The following ATM variants were observed in gnomAD, a reference collection of about 807,000 sequenced individuals.
ATM encodes ATM serine/threonine kinase, also known as serine-protein kinase ATM.
ATM carries 308 observed loss-of-function variants against 387.0 expected under a neutral mutation model. The ratio of observed to expected loss-of-function variants is 0.80; its 90% CI spans 0.73 to 0.87. The LOEUF is 0.87. Ranked by LOEUF, ATM falls within the 40% of genes least tolerant of loss-of-function variation. The pLI, the probability that ATM is intolerant of heterozygous loss-of-function variation, is 0.00. For missense variants in ATM, 3,312 were observed against 3,560.9 expected (o/e 0.93, Z 1.78); for synonymous variants, 1,156 against 1,187.3 (o/e 0.97, Z 0.54).
chr11:108,366,793 A>C lies in ATM; in HGVS notation c.*1285A>C. The C allele has an allele frequency of 8.7e-6, 2 of 230,378 alleles. No individual in the cohort carries two copies. The highest frequency in any genetic ancestry group is 1.2e-4 in the East Asian group (2 of 16,176). The allele number at this position is 230,378 out of a possible 1,614,324, so 14.3% of individuals were successfully genotyped here. A position where few individuals can be genotyped will look rare whatever the true frequency, so the allele number is the denominator to read the frequency against. ...TGATGCCTTTTTCACTGAGAGTATA[A>C]GCTTCCATGTGTCCCACCTTTATGG... On this transcript the variant is annotated 3_prime_UTR_variant, in exon 63 of 63. Coordinates refer to ENST00000675843, the MANE Select transcript of ATM (RefSeq NM_000051.4).
At chr11:108,336,631 T>C (rs866894648) in intron 56 of ATM, among the ~76,000 whole-genome samples, 3 of 152,234 alleles carry the variant, frequency 2.0e-5, no homozygotes, top group African/African-American at 7.2e-5. Flanking sequence ...GTGAATAACC[T>C]TGAACATACA....
chr11:108,344,194 G>A (rs1212254227), intron 57 of ATM, among the ~76,000 whole-genome samples: 2 of 152,246 alleles, frequency 1.3e-5, no homozygotes, highest in East Asian at 3.9e-4. Context: ...TCTGTACAGG[G>A]CACACAGGGT....
intron 4 of ATM, chr11:108,231,008 C>G (rs1175369653): frequency 6.6e-6 from 1 of 152,106 alleles, no homozygotes; most frequent in Non-Finnish European, 1.5e-5. Flanking sequence ...GGCCAGGACT[C>G]AATCTTTTAG....
chr11:108,284,054 T>G (rs373028945), intron 25 of ATM, among the ~76,000 whole-genome samples, 173 bp from the exon 26 acceptor site: 1 of 152,202 alleles, frequency 6.6e-6, no homozygotes, highest in Non-Finnish European at 1.5e-5. Flanking sequence ...TTAATGTGAC[T>G]ATTTAGAATT....
intron 16 of ATM, among the ~76,000 whole-genome samples, chr11:108,266,476 G>T (rs1470549071): frequency 7.8e-6 from 1 of 128,190 alleles, no homozygotes. Context: ...CACACTCTGT[G>T]GACTGTTGTG....
intron 59 of ATM, among the ~76,000 whole-genome samples, chr11:108,352,475 G>A (rs1425914432): frequency 6.6e-6 from 1 of 152,138 alleles, no homozygotes; most frequent in Non-Finnish European, 1.5e-5. Flanking sequence ...CTGAGCAACA[G>A]AGGAAGAAAA....
At chr11:108,318,674 G>C (rs903636669) in intron 43 of ATM, among the ~76,000 whole-genome samples, 2 of 152,062 alleles carry the variant, frequency 1.3e-5, no homozygotes, top group Non-Finnish European at 2.9e-5. Flanking sequence ...GGGCGACAGA[G>C]TGAGACTCTG....
intron 25 of ATM, among the ~76,000 whole-genome samples, 187 bp from the exon 26 acceptor site, chr11:108,284,040 T>G (rs978496051): frequency 6.6e-6 from 1 of 152,172 alleles, no homozygotes; most frequent in African/African-American, 2.4e-5. Flanking sequence ...GCTTTCTAAT[T>G]TTTTTAATGT....
chr11:108,347,053 T>C (rs1275209647), intron 58 of ATM, among the ~76,000 whole-genome samples: 1 of 152,182 alleles, frequency 6.6e-6, no homozygotes, highest in African/African-American at 2.4e-5. Flanking sequence ...AGAGAAAATT[T>C]TTTTAGCAAA....
chr11:108,292,128 G>A (rs1339334842), intron 29 of ATM, among the ~76,000 whole-genome samples: 2 of 152,166 alleles, frequency 1.3e-5, no homozygotes, highest in African/African-American at 2.4e-5. Context: ...CTTGGTTCCA[G>A]ACAGGTTAGA....
At chr11:108,317,613 TTTTATATATATATATATATATA>T in intron 43 of ATM, 92 bp downstream of exon 43, 1 of 270,314 alleles carries the variant, frequency 3.7e-6, no homozygotes, top group Non-Finnish European at 6.4e-6. Flanking sequence ...ACAGGAGTTG[TTTTATATATATATATATATATA>T]TATATATATA....
intron 5 of ATM, among the ~76,000 whole-genome samples, chr11:108,239,194 T>C (rs944439492): frequency 3.3e-5 from 5 of 152,318 alleles, no homozygotes; most frequent in Middle Eastern, 3.4e-3. Flanking sequence ...GAGAGCTAAC[T>C]TGCTGTCTTT....
chr11:108,364,266 TTA>T (rs1382314597), intron 61 of ATM, among the ~76,000 whole-genome samples: 4 of 152,198 alleles, frequency 2.6e-5, no homozygotes, highest in Non-Finnish European at 4.4e-5. Flanking sequence ...GAATCATTCT[TTA>T]TATTGTCTCC....
intron 26 of ATM, chr11:108,287,372 G>A (rs1472639073): frequency 8.6e-6 from 3 of 349,994 alleles, no homozygotes; most frequent in Non-Finnish European, 1.5e-5. Context: ...GGATTAAGGG[G>A]GCCTTGTTTG....
chr11:108,317,250 A>G, intron 42 of ATM, 123 bp from the exon 43 acceptor site: 2 of 1,043,146 alleles, frequency 1.9e-6, no homozygotes, highest in Non-Finnish European at 2.8e-6. Context: ...ATATTTTGGG[A>G]TTTTAAATGA....
intron 53 of ATM, among the ~76,000 whole-genome samples, chr11:108,333,334 G>C (rs925596836): frequency 6.6e-6 from 1 of 152,042 alleles, no homozygotes; most frequent in Admixed American, 6.6e-5. Context: ...TATTATTCTT[G>C]CTGTGTCAGT....
In ATM at chr11:108,241,738, C is replaced by CTTTTTTTTTTTTTTTTTTTTT. The variant is rs1235260816; in HGVS notation, c.497-2212_497-2211insTTTTTTTTTTTTTTTTTTTTT. Among the ~76,000 whole-genome samples, 6 of 82,084 alleles carry CTTTTTTTTTTTTTTTTTTTTT rather than the reference C, an allele frequency of 7.3e-5. 1 individual carries two copies. Among genetic ancestry groups the CTTTTTTTTTTTTTTTTTTTTT allele is most frequent in the South Asian group, 1.1e-3 (2 of 1,770 alleles). 53.9% of individuals were successfully genotyped at this position (82,084 alleles called of 152,430 possible). On this transcript the variant is annotated intron_variant, in intron 5 of 62. Coordinates refer to ENST00000675843, the MANE Select transcript of ATM (RefSeq NM_000051.4). ...TCTTTCTTTCTTTCTGTCTTTCTTT[C>CTTTTTTTTTTTTTTTTTTTTT]TTTCTTTTTTTTTTTTTTTTTTTTT...
At chr11:108,354,952 T>TGAA in intron 61 of ATM, 78 bp downstream of exon 61, 1 of 1,158,868 alleles carries the variant, frequency 8.6e-7, no homozygotes, top group South Asian at 1.2e-5. Flanking sequence ...GTCACTGATG[T>TGAA]GAAGAGCACT....
intron 59 of ATM, among the ~76,000 whole-genome samples, chr11:108,347,903 G>C (rs1203226736): frequency 6.6e-6 from 1 of 152,112 alleles, no homozygotes; most frequent in African/African-American, 2.4e-5. Flanking sequence ...AGTGGTATTG[G>C]CAGCAGGAAG....
Sources: allele counts gnomAD v4.1 joint callset (sites outside exome capture counted in the v4.1 genomes callset), GRCh38; gene constraint gnomAD v4.1.1; transcripts MANE v1.5; gene names NCBI Gene and HGNC (gene_info 2026-07-23, HGNC 2026-07-21).